The following CNTNAP5 variants were observed in gnomAD, a reference collection of about 807,000 sequenced individuals.
CNTNAP5 encodes the protein contactin-associated protein-like 5.
A neutral mutation model predicts 150.2 loss-of-function variants in CNTNAP5; 72 were observed. The ratio of observed to expected loss-of-function variants is 0.48; its 90% CI spans 0.40 to 0.58. The LOEUF (loss-of-function observed/expected upper bound fraction) is 0.58, where lower values mean the gene tolerates loss of function less well. Among genes scored for constraint, CNTNAP5 ranks in the 20% least tolerant of loss-of-function variants. CNTNAP5 has a pLI of 0.00. For synonymous variants in CNTNAP5, 672 were observed against 619.8 expected, an observed-to-expected ratio of 1.08 and a Z score of -1.25; for missense variants, 1,636 against 1,626.2, an observed-to-expected ratio of 1.01 and a Z score of -0.10.
At chr2:124,390,666 C>T (rs923266659) in intron 3 of CNTNAP5, among the ~76,000 whole-genome samples, 2 of 152,166 alleles carry the variant, frequency 1.3e-5, no homozygotes, top group African/African-American at 4.8e-5. Context: ...AGAAAATGCC[C>T]ATTTAGCTGT....
In CNTNAP5 at chr2:124,343,643, TA is replaced by T. The variant is rs558175407; in HGVS notation, c.382-73797del. ...TTGTAGAGAAACTTTTACTCTTTGG[TA>T]AAGAGGAGACTCAGTTTTCCTAAGT... On this transcript the variant is annotated intron_variant, in intron 3 of 23. Transcript: ENST00000682447. Among the ~76,000 whole-genome samples the T allele has an allele frequency of 1.7e-3, 252 of 152,292 alleles. 1 individual carries two copies. Among genetic ancestry groups the T allele is most frequent in the Admixed American group, 5.8e-3 (89 of 15,288 alleles).
intron 3 of CNTNAP5, among the ~76,000 whole-genome samples, chr2:124,325,611 T>G (rs1046642013): frequency 4.6e-5 from 7 of 152,166 alleles, no homozygotes; most frequent in Non-Finnish European, 1.0e-4. Context: ...GGCTGTGAGC[T>G]CCAACTCTGG....
In CNTNAP5 at chr2:124,773,136, A is replaced by C. The variant is rs1681243179; in HGVS notation, c.2752+119A>C. The stretch of plus-strand genomic sequence containing the variant: ...GGATATGATCAAAATGTCATAAATC[A>C]TTTCTAATGGTAAATTTCATTCTAT... On this transcript the variant is annotated intron_variant, in intron 17 of 23. Transcript: ENST00000682447. 7.1e-5 allele frequency: 54 copies of C among 756,844 alleles called. No homozygotes were observed. The South Asian group carries it at 9.0e-4, about 13-fold the overall frequency. 46.9% of individuals were successfully genotyped at this position (756,844 alleles called of 1,614,324 possible).
chr2:124,252,615 G>C (rs1432084428), intron 3 of CNTNAP5, among the ~76,000 whole-genome samples: 1 of 152,136 alleles, frequency 6.6e-6, no homozygotes. Context: ...TAATGTGTTT[G>C]AGTTCTCTTC....
chr2:124,759,415 A>ATT (rs1258364488), intron 14 of CNTNAP5, among the ~76,000 whole-genome samples: 3 of 146,848 alleles, frequency 2.0e-5, no homozygotes, highest in Non-Finnish European at 4.5e-5. Flanking sequence ...ATATATACAC[A>ATT]TTATATATAT....
Position 124,862,231 on chromosome 2 carries a change from C to T in CNTNAP5, c.3218-3075C>T, listed in dbSNP as rs890828333. 2.0e-5 allele frequency among the ~76,000 whole-genome samples: 3 copies of T among 152,062 alleles called. No individual in the cohort carries two copies. The East Asian group carries it at 5.8e-4, about 29-fold the overall frequency. On this transcript the variant is annotated intron_variant, in intron 19 of 23. Transcript: ENST00000682447. Reference sequence around the variant, plus strand: ...ATATGAACAAAAAATGATGTGTGTCCTTTATAGTGTAGCAATGTTAATATA... The same window carrying T: ...ATATGAACAAAAAATGATGTGTGTCTTTTATAGTGTAGCAATGTTAATATA...
At chr2:124,177,697 AAC>A (rs920266412) in intron 1 of CNTNAP5, among the ~76,000 whole-genome samples, 1 of 152,188 alleles carries the variant, frequency 6.6e-6, no homozygotes, top group African/African-American at 2.4e-5. Context: ...AGCACACACA[AAC>A]ACACTTCTCG....
At chr2:124,381,345 A>C (rs1243477868) in intron 3 of CNTNAP5, among the ~76,000 whole-genome samples, 1 of 152,156 alleles carries the variant, frequency 6.6e-6, no homozygotes, top group African/African-American at 2.4e-5. Flanking sequence ...GGGAGGATGG[A>C]CAGCAGGCAG....
chr2:124,429,145 A>G (rs550270463), intron 4 of CNTNAP5, among the ~76,000 whole-genome samples: 43 of 152,350 alleles, frequency 2.8e-4, no homozygotes, highest in African/African-American at 1.0e-3. Context: ...TCTCTTATTA[A>G]CAGCAACCTA....
chr2:124,162,966 A>C (rs1684721938), intron 1 of CNTNAP5, among the ~76,000 whole-genome samples: 1 of 151,766 alleles, frequency 6.6e-6, no homozygotes, highest in Non-Finnish European at 1.5e-5. Context: ...CTAAAGTAAA[A>C]GTCATCCCTT....
intron 1 of CNTNAP5, among the ~76,000 whole-genome samples, chr2:124,206,358 A>T (rs568619846): frequency 1.3e-5 from 2 of 152,236 alleles, no homozygotes; most frequent in East Asian, 3.8e-4. Flanking sequence ...GATGGTGATG[A>T]CAGCAACAGT....
At chr2:124,313,707 T>C (rs1688889427) in intron 3 of CNTNAP5, among the ~76,000 whole-genome samples, 1 of 152,186 alleles carries the variant, frequency 6.6e-6, no homozygotes, top group South Asian at 2.1e-4. Context: ...CATCATGTCT[T>C]TGTGGCTAAT....
chr2:124,083,518 A>G (rs1016919737), intron 1 of CNTNAP5, among the ~76,000 whole-genome samples: 17 of 152,196 alleles, frequency 1.1e-4, no homozygotes, highest in African/African-American at 4.1e-4. Flanking sequence ...TATAGATACC[A>G]AATAGTTTTT....
chr2:124,769,338 T>A lies in CNTNAP5; in HGVS notation c.2534-3461T>A, dbSNP rs115829512. Among the ~76,000 whole-genome samples the A allele has an allele frequency of 7.3e-3, 1,108 of 152,202 alleles. 13 individuals carry two copies. The highest frequency in any genetic ancestry group is 0.023 in the African/African-American group (958 of 41,522). On this transcript the variant is annotated intron_variant, in intron 16 of 23. Transcript: ENST00000682447. Reference sequence around the variant, plus strand: ...AAAAGTAAATCATGAACTCATCTTGTTTCATTTGTCTCAGAATTCTCAGTG... The same window carrying A: ...AAAAGTAAATCATGAACTCATCTTGATTCATTTGTCTCAGAATTCTCAGTG...
At chr2:124,150,247 A>G (rs774288456) in intron 1 of CNTNAP5, among the ~76,000 whole-genome samples, 1 of 150,522 alleles carries the variant, frequency 6.6e-6, no homozygotes, top group African/African-American at 2.4e-5. Context: ...TAGTGTGTTA[A>G]GTAACTGAGA....
At chr2:124,368,571 C>A (rs571080873) in intron 3 of CNTNAP5, among the ~76,000 whole-genome samples, 8 of 152,010 alleles carry the variant, frequency 5.3e-5, no homozygotes, top group Admixed American at 1.3e-4. Flanking sequence ...TGGGAAAAAA[C>A]CAAATACCTA....
At chr2:124,310,836 G>T (rs1688810873) in intron 3 of CNTNAP5, among the ~76,000 whole-genome samples, 1 of 152,162 alleles carries the variant, frequency 6.6e-6, no homozygotes, top group Non-Finnish European at 1.5e-5. Context: ...CTTGAGGCTG[G>T]CAGGTGGCAG....
chr2:124,128,178 A>G (rs554009453), intron 1 of CNTNAP5, among the ~76,000 whole-genome samples: 1 of 152,360 alleles, frequency 6.6e-6, no homozygotes, highest in East Asian at 1.9e-4. Flanking sequence ...AAGGACTAGT[A>G]TCAAGAATCT....
intron 19 of CNTNAP5, among the ~76,000 whole-genome samples, chr2:124,855,859 T>A (rs1677360483): frequency 6.6e-6 from 1 of 152,070 alleles, no homozygotes; most frequent in Non-Finnish European, 1.5e-5. Flanking sequence ...TTATCCCTCA[T>A]CCCCCTTTCA....
Sources: gnomAD v4.1 joint callset for allele counts (sites outside exome capture counted in the v4.1 genomes callset) on GRCh38, gnomAD v4.1.1 for gene constraint, MANE v1.5 for transcripts, NCBI Gene and HGNC (gene_info 2026-07-23, HGNC 2026-07-21) for gene names.